Variants in FBXO24 observed in about 807,000 individuals in gnomAD.
The protein encoded by FBXO24 is F-box protein 24.
In FBXO24, 30 loss-of-function variants were observed where a neutral mutation model predicts 63.5. The observed-to-expected ratio is 0.47, with a 90% confidence interval of 0.35 to 0.64. The LOEUF is 0.64. FBXO24 is among the 30% of genes least tolerant of loss of function. The probability of loss-of-function intolerance (pLI) is 0.00; values close to 1 mark genes in which losing one functional copy is unlikely to be tolerated. For synonymous variants in FBXO24, 300 were observed against 305.0 expected (o/e 0.98, Z 0.17); for missense variants, 624 against 763.4 (o/e 0.82, Z 2.15).
At chr7:100,588,837 G>A (rs1188494144) in intron 1 of FBXO24, among the ~76,000 whole-genome samples, 1 of 151,644 alleles carries the variant, frequency 6.6e-6, no homozygotes, top group Non-Finnish European at 1.5e-5. Context: ...TTTTTTGTTT[G>A]TTTTTTTTGA....
At chr7:100,599,999 C>T (rs779815776) in intron 8 of FBXO24, 32 bp from the exon 9 acceptor site, 8 of 1,591,894 alleles carry the variant, frequency 5.0e-6, no homozygotes, top group East Asian at 2.3e-5. Context: ...CTTGGTGCTC[C>T]CTGCTCAGGG....
chr7:100,598,698 C>G (rs1802429110), intron 8 of FBXO24, among the ~76,000 whole-genome samples: 1 of 152,176 alleles, frequency 6.6e-6, no homozygotes, highest in Admixed American at 6.5e-5. Flanking sequence ...CTAGGCTAAG[C>G]ATTTCAACTA....
At chr7:100,587,894 G>T (rs997171844) in intron 1 of FBXO24, among the ~76,000 whole-genome samples, 2 of 151,402 alleles carry the variant, frequency 1.3e-5, no homozygotes, top group African/African-American at 4.9e-5. Flanking sequence ...CACCGCACCC[G>T]GCCCACAGTG....
rs759390018 is a variant in FBXO24 at position 100,586,654 on chromosome 7, G to C, written c.29G>C (p.Arg10Thr). MGEKAVPLL[R>T]RRRVKRSCPS... ...GGCGAGAAGGCGGTCCCTTTGCTAA[G>C]GAGGAGGCGGGTGAGCTAGAACTTT... Residue 10 changes from arginine (R) to threonine (T), a missense_variant, in exon 1 of 10, where the codon AGG (arginine) becomes ACG (threonine). Physicochemically the swap from Arg to Thr is moderately conservative, Grantham distance 71 (BLOSUM62 -1). Coordinates refer to ENST00000241071, the MANE Select transcript of FBXO24 (RefSeq NM_033506.3). 1 of 1,614,238 alleles carries C rather than the reference G, an allele frequency of 6.2e-7. No individual in the cohort carries two copies. The highest frequency in any genetic ancestry group is 8.5e-7 in the Non-Finnish European group (1 of 1,180,020).
Position 100,594,446 on chromosome 7 carries a change from C to T in FBXO24, c.857C>T (p.Thr286Met), listed in dbSNP as rs145135668. Residue 286 changes from threonine (T) to methionine (M), a missense_variant, in exon 6 of 10, where the codon ACG (threonine) becomes ATG (methionine). Physicochemically the swap from Thr to Met is moderately conservative, Grantham distance 81. Transcript: ENST00000241071. This position sits in a 1 kb window ranked among gnomAD's most constrained non-coding sequence, Gnocchi z 4.2. Reference sequence around the variant, plus strand: ...CAGCTTGACCAGCCACGCTCCTACACGGTTCAGCTGGCCCTGAGGAAGGTG... The same window carrying T: ...CAGCTTGACCAGCCACGCTCCTACATGGTTCAGCTGGCCCTGAGGAAGGTG... ...ETQLDQPRSY[T>M]VQLALRKVSH... is the part of the protein sequence containing the mutation. 84 of 1,613,782 alleles carry T rather than the reference C, an allele frequency of 5.2e-5. 1 individual carries two copies. Among genetic ancestry groups the T allele is most frequent in the South Asian group, 4.7e-4 (43 of 91,018 alleles).
chr7:100,595,685 G>A lies in FBXO24; in HGVS notation c.1185G>A (p.Met395Ile). ...GGCAGCTAGGAACAGGGGACAAAATGGACCGAGGGGAACCCACACAGGTGA... is the reference window on the plus strand; with the variant it reads ...GGCAGCTAGGAACAGGGGACAAAATAGACCGAGGGGAACCCACACAGGTGA... ...RYGQLGTGDK[M>I]DRGEPTQVCY... The change falls in exon 8 of 10, where the codon ATG becomes ATA. Residue 395 changes from methionine to isoleucine, a missense_variant. Met to Ile is a conservative substitution (Grantham distance 10). Around this residue, in one of 3 missense-constraint regions of FBXO24, gnomAD observed 216 missense variants for 245.2 expected, o/e 0.88. Transcript: ENST00000241071. 6.2e-7 allele frequency: 1 copy of A among 1,608,574 alleles called. No homozygotes were observed. Among genetic ancestry groups the A allele is most frequent in the Non-Finnish European group, 8.5e-7 (1 of 1,176,868 alleles).
chr7:100,589,822 G>A (rs1293154622), intron 1 of FBXO24, 155 bp from the exon 2 acceptor site: 1 of 1,517,988 alleles, frequency 6.6e-7, no homozygotes, highest in Admixed American at 2.2e-5. Context: ...AGGAGATCGG[G>A]AGGAGTTATT....
chr7:100,599,975 C>CA, intron 8 of FBXO24, 56 bp from the exon 9 acceptor site: 1 of 1,433,744 alleles, frequency 7.0e-7, no homozygotes, highest in Non-Finnish European at 9.6e-7. Flanking sequence ...TTTCCCACCC[C>CA]AGCCCCCCCG....
At chr7:100,590,532 G>A (rs1801965727) in intron 3 of FBXO24, among the ~76,000 whole-genome samples, 175 bp downstream of exon 3, 1 of 152,108 alleles carries the variant, frequency 6.6e-6, no homozygotes, top group Non-Finnish European at 1.5e-5. Flanking sequence ...CCAAGTCTTC[G>A]GAATCCACCC....
In FBXO24 at chr7:100,586,642, T is replaced by A. The variant is rs148663467; in HGVS notation, c.17T>A (p.Val6Asp). 429 of 1,614,022 alleles carry A rather than the reference T, an allele frequency of 2.7e-4. 1 individual carries two copies. The highest frequency in any genetic ancestry group is 4.5e-4 in the Admixed American group (27 of 60,008). MGEKA[V>D]PLLRRRRVKR... ...ACCAATAGCATGGGCGAGAAGGCGG[T>A]CCCTTTGCTAAGGAGGAGGCGGGTG... Residue 6 changes from valine to aspartate, a missense_variant, in exon 1 of 10, where the codon GTC (valine) becomes GAC (aspartate). Physicochemically the swap from Val to Asp is radical, Grantham distance 152 (BLOSUM62 -3). Transcript: ENST00000241071.
chr7:100,599,981 C>G (rs763828606), intron 8 of FBXO24, 50 bp from the exon 9 acceptor site: 2 of 1,494,472 alleles, frequency 1.3e-6, no homozygotes, highest in East Asian at 2.4e-5. Context: ...ACCCCAGCCC[C>G]CCCGTCCCTT....
In FBXO24 at chr7:100,590,124, T is replaced by C. The variant is rs767200952; in HGVS notation, c.138+49T>C. The C allele has an allele frequency of 1.9e-6, 3 of 1,607,286 alleles. No individual in the cohort carries two copies. The South Asian group carries it at 3.3e-5, about 18-fold the overall frequency. On this transcript the variant is annotated intron_variant, in intron 2 of 9. Transcript: ENST00000241071. The stretch of plus-strand genomic sequence containing the variant: ...GAGAATAATAGGATTGGGGGCCAGA[T>C]CACCGAGGGGCCACCAAAGACTCCC...
chr7:100,590,152 C>G, intron 2 of FBXO24, 22 bp from the exon 3 acceptor site: 1 of 1,610,940 alleles, frequency 6.2e-7, no homozygotes, highest in Non-Finnish European at 8.5e-7. Context: ...AGACTCCCCG[C>G]TTCTTCCCTC....
intron 2 of FBXO24, 35 bp from the exon 3 acceptor site, chr7:100,590,139 C>CAA (rs751073665): frequency 5.0e-6 from 8 of 1,608,608 alleles, no homozygotes; most frequent in Non-Finnish European, 6.8e-6. Context: ...GAGGGGCCAC[C>CAA]AAAGACTCCC....
intron 7 of FBXO24, 22 bp from the exon 8 acceptor site, chr7:100,595,553 C>A (rs771831118): frequency 1.3e-6 from 2 of 1,563,070 alleles, no homozygotes; most frequent in Non-Finnish European, 1.7e-6. Flanking sequence ...AATCCCTATC[C>A]CCTTTCTATC....
chr7:100,597,756 C>T (rs1168742304), intron 8 of FBXO24, among the ~76,000 whole-genome samples: 2 of 151,930 alleles, frequency 1.3e-5, no homozygotes, highest in African/African-American at 2.4e-5. Context: ...AGCTGGAGTG[C>T]AGTGACACAA....
intron 7 of FBXO24, 146 bp downstream of exon 7, chr7:100,595,369 C>G (rs959070424): frequency 6.9e-7 from 1 of 1,459,630 alleles, no homozygotes; most frequent in African/African-American, 1.4e-5. Context: ...GCTGGGGGCT[C>G]GGTGCGGAGG....
intron 7 of FBXO24, 86 bp downstream of exon 7, chr7:100,595,309 G>C: frequency 6.3e-7 from 1 of 1,592,426 alleles, no homozygotes; most frequent in Non-Finnish European, 8.6e-7. Context: ...TCAGATTATT[G>C]ATCCAGAGGG....
chr7:100,592,262 A>G (rs1255983455), intron 4 of FBXO24: 1 of 255,956 alleles, frequency 3.9e-6, no homozygotes, highest in South Asian at 4.6e-5. Flanking sequence ...TCCGTCTCGA[A>G]AAAAAAAGAC....
Sources: gnomAD v4.1 joint callset for allele counts (sites outside exome capture counted in the v4.1 genomes callset) on GRCh38, gnomAD v4.1.1 for gene constraint, gnomAD v4.1.1 regional missense constraint, Gnocchi (gnomAD v3.1) non-coding constraint, MANE v1.5 for transcripts, NCBI Gene and HGNC (gene_info 2026-07-23, HGNC 2026-07-21) for gene names.